The following R3HDM1 variants were observed in gnomAD, a reference collection of about 807,000 sequenced individuals.
R3HDM1 encodes R3H domain-containing protein 1.
R3HDM1 carries 46 observed loss-of-function variants against 141.1 expected under a neutral mutation model. The observed-to-expected ratio is 0.33, with a 90% confidence interval of 0.26 to 0.42. The LOEUF is 0.42. Among genes scored for constraint, R3HDM1 ranks in the 10% least tolerant of loss-of-function variants. The pLI, the probability that R3HDM1 is intolerant of heterozygous loss-of-function variation, is 1.00. For synonymous variants in R3HDM1, 435 were observed against 472.9 expected, an observed-to-expected ratio of 0.92 and a Z score of 1.04; for missense variants, 1,184 against 1,368.3, an observed-to-expected ratio of 0.87 and a Z score of 2.12.
chr2:135,597,253 T>C, intron 1 of R3HDM1: 1 of 978,920 alleles, frequency 1.0e-6, no homozygotes, highest in Non-Finnish European at 1.2e-6. Context: ...ACGAACTCTT[T>C]TAGGTCAAGG....
At chr2:135,602,361 C>A in intron 1 of R3HDM1, 139 bp from the exon 2 acceptor site, 1 of 498,532 alleles carries the variant, frequency 2.0e-6, no homozygotes, top group Non-Finnish European at 3.1e-6. Context: ...TTCATTGTTA[C>A]TCAGTGTTCT....
chr2:135,688,353 A>G (rs2071729410), intron 21 of R3HDM1, among the ~76,000 whole-genome samples: 1 of 152,236 alleles, frequency 6.6e-6, no homozygotes, highest in African/African-American at 2.4e-5. Flanking sequence ...TGTGTATGTG[A>G]GGCCACTCTA....
chr2:135,596,993 A>G (rs1313778112), intron 1 of R3HDM1: 1 of 979,760 alleles, frequency 1.0e-6, no homozygotes, highest in Admixed American at 6.2e-5. Flanking sequence ...AAAGTGGATC[A>G]CAATGTATGA....
chr2:135,716,682 G>A lies in R3HDM1; in HGVS notation c.2881+988G>A, dbSNP rs146194407. ...AGGGGGCAATATTCAGGCTAGGTGCGGTGGCTCACACCTGTAATCCCAGCA... is the reference window on the plus strand; with the variant it reads ...AGGGGGCAATATTCAGGCTAGGTGCAGTGGCTCACACCTGTAATCCCAGCA... On this transcript the variant is annotated intron_variant, in intron 24 of 26. Transcript: ENST00000683871. 7.9e-5 allele frequency among the ~76,000 whole-genome samples: 12 copies of A among 152,094 alleles called. No homozygotes were observed. In the East Asian group the frequency reaches 2.1e-3, roughly 27 times the overall value.
At chr2:135,714,312 T>G (rs1355909242) in intron 23 of R3HDM1, among the ~76,000 whole-genome samples, 2 of 152,200 alleles carry the variant, frequency 1.3e-5, no homozygotes, top group Non-Finnish European at 2.9e-5. Flanking sequence ...TAACATGAAC[T>G]TTTTAATGAG....
Position 135,721,859 on chromosome 2 carries a change from A to T in R3HDM1, c.2882-65A>T, listed in dbSNP as rs545194022. On this transcript the variant is annotated intron_variant, in intron 24 of 26. Coordinates refer to ENST00000683871, the MANE Select transcript of R3HDM1 (RefSeq NM_001378107.1). Reference sequence around the variant, plus strand: ...TGCCTCAGCCTCCCAAATTGCTAGGATTACAGGCATGAACCACCGTGCCCG... The same window carrying T: ...TGCCTCAGCCTCCCAAATTGCTAGGTTTACAGGCATGAACCACCGTGCCCG... 99 of 1,424,046 alleles carry T rather than the reference A, an allele frequency of 7.0e-5. 1 individual carries two copies. The East Asian group carries it at 1.4e-3, about 20-fold the overall frequency. The allele number at this position is 1,424,046 out of a possible 1,614,324, so 88.2% of individuals were successfully genotyped here. A position where few individuals can be genotyped will look rare whatever the true frequency, so the allele number is the denominator to read the frequency against.
chr2:135,539,434 A>G (rs1696971617), intron 1 of R3HDM1, among the ~76,000 whole-genome samples: 1 of 152,124 alleles, frequency 6.6e-6, no homozygotes, highest in South Asian at 2.1e-4. Context: ...TTTCACCAAC[A>G]TAGTCTTATG....
chr2:135,623,214 A>T (rs2061671406), intron 7 of R3HDM1, among the ~76,000 whole-genome samples: 1 of 152,110 alleles, frequency 6.6e-6, no homozygotes, highest in African/African-American at 2.4e-5. Flanking sequence ...ATTTTGTCAG[A>T]TTACTAAATG....
At chr2:135,548,971 T>C (rs1229739603) in intron 1 of R3HDM1, among the ~76,000 whole-genome samples, 1 of 152,238 alleles carries the variant, frequency 6.6e-6, no homozygotes, top group East Asian at 1.9e-4. Context: ...TCAGTCAATT[T>C]AATACTGTCA....
Position 135,610,823 on chromosome 2 carries a change from C to G in R3HDM1, c.172-5329C>G, listed in dbSNP as rs13407606. 1.0e-3 allele frequency among the ~76,000 whole-genome samples: 154 copies of G among 152,080 alleles called. 1 individual carries two copies. Among genetic ancestry groups the G allele is most frequent in the African/African-American group, 3.5e-3 (146 of 41,448 alleles). On this transcript the variant is annotated intron_variant, in intron 3 of 26. Coordinates refer to ENST00000683871, the MANE Select transcript of R3HDM1 (RefSeq NM_001378107.1). ...CTGTTTGTCAAACAAAGATTAAAAG[C>G]ATGTATGTGGCAAAGCGTGGTGGCT...
intron 1 of R3HDM1, among the ~76,000 whole-genome samples, chr2:135,543,733 A>C (rs1243056636): frequency 6.6e-6 from 1 of 152,256 alleles, no homozygotes; most frequent in East Asian, 1.9e-4. Flanking sequence ...TGTCTGGCTT[A>C]ACCGAAGAAG....
At chr2:135,663,124 G>A (rs1354368701) in intron 19 of R3HDM1, among the ~76,000 whole-genome samples, 1 of 128,442 alleles carries the variant, frequency 7.8e-6, no homozygotes, top group Non-Finnish European at 1.5e-5. Context: ...TAGTATATAT[G>A]CCTCTCTGCC....
At position 135,553,104 on chromosome 2, in the gene R3HDM1, A is replaced by G. The variant is rs917171454; in HGVS notation, c.-250+21471A>G. Among the ~76,000 whole-genome samples the G allele has an allele frequency of 2.0e-5, 3 of 152,194 alleles. No homozygotes were observed. In the East Asian group the frequency reaches 5.8e-4, roughly 29 times the overall value. ...AGGGTGGTCCTGAGCTCCTTAACTC[A>G]ACTGATCTACCTGCCTTGGCCTCCC... On this transcript the variant is annotated intron_variant, in intron 1 of 26. Coordinates refer to ENST00000683871, the MANE Select transcript of R3HDM1 (RefSeq NM_001378107.1).
Position 135,531,585 on chromosome 2 carries a change from C to T in R3HDM1, c.-298C>T. 1.0e-6 allele frequency: 1 copy of T among 986,708 alleles called. No homozygotes were observed. The highest frequency in any genetic ancestry group is 1.2e-6 in the Non-Finnish European group (1 of 830,614). The allele number at this position is 986,708 out of a possible 1,614,324, so 61.1% of individuals were successfully genotyped here. On this transcript the variant is annotated 5_prime_UTR_variant, in exon 1 of 27. Coordinates refer to ENST00000683871, the MANE Select transcript of R3HDM1 (RefSeq NM_001378107.1). ...ACTTGCACCCACCCAGCCCCGCCGT[C>T]GCCCCGCCGCGCCGCGCTCCAACCG...
chr2:135,603,177 A>T (rs566040102), intron 2 of R3HDM1, among the ~76,000 whole-genome samples: 2 of 152,152 alleles, frequency 1.3e-5, no homozygotes, highest in African/African-American at 4.8e-5. Context: ...TTTAATAGAG[A>T]TGGGGTTTCG....
At chr2:135,636,039 A>G in intron 10 of R3HDM1, 41 bp downstream of exon 10, 2 of 1,610,492 alleles carry the variant, frequency 1.2e-6, no homozygotes, top group Non-Finnish European at 1.7e-6. Context: ...GGTGCAAGAC[A>G]TACTATACCA....
At chr2:135,574,154 T>G (rs368019523) in intron 1 of R3HDM1, among the ~76,000 whole-genome samples, 16 of 152,192 alleles carry the variant, frequency 1.1e-4, no homozygotes, top group East Asian at 9.6e-4. Context: ...AACATAGATA[T>G]GCAAAATAAG....
chr2:135,640,199 T>G (rs1418895743), intron 14 of R3HDM1, among the ~76,000 whole-genome samples: 1 of 152,216 alleles, frequency 6.6e-6, no homozygotes, highest in Non-Finnish European at 1.5e-5. Flanking sequence ...AAGGACATAT[T>G]TGAACTGAAG....
At chr2:135,723,862 T>C in intron 26 of R3HDM1, 75 bp from the exon 27 acceptor site, 1 of 1,014,298 alleles carries the variant, frequency 9.9e-7, no homozygotes, top group South Asian at 1.6e-5. Context: ...CATGTCATAT[T>C]TGGGTCTGCA....
Sources: gnomAD v4.1 joint callset for allele counts (sites outside exome capture counted in the v4.1 genomes callset) on GRCh38, gnomAD v4.1.1 for gene constraint, MANE v1.5 for transcripts, NCBI Gene and HGNC (gene_info 2026-07-23, HGNC 2026-07-21) for gene names.